Variants in SPTLC1 observed in about 807,000 individuals in gnomAD.
SPTLC1 encodes the protein serine palmitoyltransferase long chain base subunit 1.
In SPTLC1, 55 loss-of-function variants were observed where a neutral mutation model predicts 68.9. The ratio of observed to expected loss-of-function variants is 0.80; its 90% CI spans 0.64 to 1.00. The LOEUF (loss-of-function observed/expected upper bound fraction) is 1.00, where lower values mean the gene tolerates loss of function less well. SPTLC1 is among the 50% of genes least tolerant of loss of function. The pLI is 0.00. For missense variants in SPTLC1, 449 were observed against 573.1 expected (o/e 0.78, Z 2.21); for synonymous variants, 197 against 201.6 (o/e 0.98, Z 0.19).
intron 8 of SPTLC1, chr9:92,055,053 C>T (rs1195613106): frequency 1.1e-5 from 2 of 175,178 alleles, no homozygotes; most frequent in East Asian, 3.8e-4. Context: ...AGTGAGACCC[C>T]TACTCCACAA....
chr9:92,100,760 A>G lies in SPTLC1; in HGVS notation c.260+7980T>C, dbSNP rs1835717866. 3.3e-5 allele frequency among the ~76,000 whole-genome samples: 5 copies of G among 152,120 alleles called. No homozygotes were observed. In the South Asian group the frequency reaches 1.0e-3, roughly 32 times the overall value. On this transcript the variant is annotated intron_variant, in intron 3 of 14. Transcript: ENST00000262554. ...CCCCCAGCCCCCAGTCCTGAGCAGA[A>G]AAACAAACTGCACATGCTCCTACAG...
At chr9:92,083,000 G>C (rs1386476727) in intron 3 of SPTLC1, among the ~76,000 whole-genome samples, 16 of 152,150 alleles carry the variant, frequency 1.1e-4, no homozygotes, top group Admixed American at 6.5e-4. Flanking sequence ...GTGATGGTGA[G>C]CATTTTTTCA....
chr9:92,047,376 T>C, intron 10 of SPTLC1, 108 bp from the exon 11 acceptor site: 2 of 936,144 alleles, frequency 2.1e-6, no homozygotes, highest in South Asian at 1.4e-5. Flanking sequence ...GTACATGTGG[T>C]GAGGGGGGTA....
intron 8 of SPTLC1, 149 bp downstream of exon 8, chr9:92,055,256 G>C (rs946777365): frequency 1.3e-6 from 2 of 1,500,862 alleles, no homozygotes; most frequent in African/African-American, 1.4e-5. Context: ...ATTCAGTGTT[G>C]TTCTTCTTCC....
intron 5 of SPTLC1, among the ~76,000 whole-genome samples, chr9:92,074,282 C>G (rs1834599141): frequency 6.6e-6 from 1 of 152,018 alleles, no homozygotes; most frequent in African/African-American, 2.4e-5. Context: ...AGCTTCTAAA[C>G]CCCTTAAAAC....
intron 5 of SPTLC1, among the ~76,000 whole-genome samples, chr9:92,073,901 G>A (rs1834585041): frequency 6.6e-6 from 1 of 152,208 alleles, no homozygotes; most frequent in Admixed American, 6.5e-5. Context: ...TGCTTCAAAT[G>A]TCAAAAACCT....
At chr9:92,051,171 T>C in intron 8 of SPTLC1, 1 of 981,666 alleles carries the variant, frequency 1.0e-6, no homozygotes, top group Non-Finnish European at 1.2e-6. Context: ...ACATCTCTTC[T>C]ATTGATACTT....
chr9:92,099,374 C>T (rs1835660519), intron 3 of SPTLC1, among the ~76,000 whole-genome samples: 1 of 152,012 alleles, frequency 6.6e-6, no homozygotes, highest in South Asian at 2.1e-4. Flanking sequence ...AAATCGCCTA[C>T]AATTAATGGA....
chr9:92,091,304 C>T (rs569160331), intron 3 of SPTLC1, among the ~76,000 whole-genome samples: 34 of 152,250 alleles, frequency 2.2e-4, no homozygotes, highest in Non-Finnish European at 4.4e-4. Context: ...AAGTGTAGAA[C>T]CACAAATACT....
At chr9:92,108,318 T>C (rs1448020922) in intron 3 of SPTLC1, 4 of 182,632 alleles carry the variant, frequency 2.2e-5, no homozygotes, top group African/African-American at 4.8e-5. Context: ...ATAATTCATA[T>C]TGTGGGGATC....
chr9:92,074,195 G>T (rs1834595986), intron 5 of SPTLC1, among the ~76,000 whole-genome samples: 1 of 151,948 alleles, frequency 6.6e-6, no homozygotes, highest in Non-Finnish European at 1.5e-5. Flanking sequence ...CGATACGGGG[G>T]CTACCCACTC....
At chr9:92,104,559 C>T (rs1835884488) in intron 3 of SPTLC1, 1 of 1,462,182 alleles carries the variant, frequency 6.8e-7, no homozygotes. Context: ...CACCTCAGCC[C>T]CGTGAGGATC....
intron 5 of SPTLC1, chr9:92,076,812 C>T (rs1564102198): frequency 6.6e-6 from 1 of 152,144 alleles, no homozygotes; most frequent in African/African-American, 2.4e-5. Flanking sequence ...TGGTTTGGGT[C>T]GACACCTTCA....
chr9:92,104,963 C>A, intron 3 of SPTLC1: 8 of 1,533,820 alleles, frequency 5.2e-6, no homozygotes, highest in Non-Finnish European at 6.1e-6. Context: ...CTTTGGGAAG[C>A]CTGACCCACT....
At chr9:92,049,011 T>C (rs1276409603) in intron 9 of SPTLC1, among the ~76,000 whole-genome samples, 1 of 152,214 alleles carries the variant, frequency 6.6e-6, no homozygotes, top group Non-Finnish European at 1.5e-5. Context: ...TAAAAAAGGC[T>C]GTAGTGTACT....
At chr9:92,041,767 A>T (rs1833356245) in intron 12 of SPTLC1, among the ~76,000 whole-genome samples, 1 of 152,292 alleles carries the variant, frequency 6.6e-6, no homozygotes, top group Non-Finnish European at 1.5e-5. Context: ...AAAAGATATT[A>T]TAATGAAGTA....
intron 6 of SPTLC1, among the ~76,000 whole-genome samples, chr9:92,061,929 GAACA>G (rs1834120513): frequency 6.6e-6 from 1 of 152,072 alleles, no homozygotes; most frequent in Non-Finnish European, 1.5e-5. Context: ...AAAGTAGAGT[GAACA>G]AACAAGAAAC....
chr9:92,086,665 T>G (rs895044869), intron 3 of SPTLC1, among the ~76,000 whole-genome samples: 5 of 152,238 alleles, frequency 3.3e-5, no homozygotes. Context: ...TCTCTCTGGC[T>G]GCCCTTAACA....
At chr9:92,101,092 C>A (rs1835731372) in intron 3 of SPTLC1, among the ~76,000 whole-genome samples, 1 of 152,056 alleles carries the variant, frequency 6.6e-6, no homozygotes, top group Non-Finnish European at 1.5e-5. Flanking sequence ...TAATTCTTCA[C>A]AAAGTTACCC....
Sources: gnomAD v4.1 joint callset for allele counts (sites outside exome capture counted in the v4.1 genomes callset) on GRCh38, gnomAD v4.1.1 for gene constraint, MANE v1.5 for transcripts, NCBI Gene and HGNC (gene_info 2026-07-23, HGNC 2026-07-21) for gene names.